FUT9: variants seen among roughly 807,000 people sequenced by gnomAD.
FUT9 encodes the protein 4-galactosyl-N-acetylglucosaminide 3-alpha-L-fucosyltransferase 9.
Under a neutral mutation model 29.7 loss-of-function variants are expected in FUT9, and 15 were observed. That is an observed-to-expected ratio of 0.51 (90% CI 0.34 to 0.78). The LOEUF is 0.78. Among genes scored for constraint, FUT9 ranks in the 30% least tolerant of loss-of-function variants. The pLI is 0.01. For missense variants in FUT9, 319 were observed against 425.4 expected (o/e 0.75, Z 2.20); for synonymous variants, 169 against 153.7 (o/e 1.10, Z -0.74).
chr6:96,053,657 C>T (rs1397981409), intron 1 of FUT9, among the ~76,000 whole-genome samples: 2 of 152,004 alleles, frequency 1.3e-5, no homozygotes, highest in South Asian at 2.1e-4. Context: ...TGCAGTGAGC[C>T]GAGATCGCAC....
chr6:96,080,830 T>A (rs1018125874), intron 1 of FUT9, among the ~76,000 whole-genome samples: 7 of 151,964 alleles, frequency 4.6e-5, no homozygotes, highest in Non-Finnish European at 8.8e-5. Context: ...TTCTTGGGTA[T>A]GTCTATTATA....
chr6:96,104,339 T>G (rs1320924113), intron 1 of FUT9, among the ~76,000 whole-genome samples: 1 of 152,226 alleles, frequency 6.6e-6, no homozygotes, highest in East Asian at 1.9e-4. Flanking sequence ...GAGTAAATAT[T>G]TTAATATTAT....
chr6:96,026,783 T>C (rs371819072), intron 1 of FUT9, among the ~76,000 whole-genome samples: 3 of 151,626 alleles, frequency 2.0e-5, no homozygotes, highest in Admixed American at 6.6e-5. Context: ...CAATGGCAGG[T>C]TTATTTGTAC....
chr6:96,195,765 CA>C (rs952021527), intron 2 of FUT9, among the ~76,000 whole-genome samples: 1 of 151,126 alleles, frequency 6.6e-6, no homozygotes, highest in Non-Finnish European at 1.5e-5. Flanking sequence ...AAACAATAAC[CA>C]AAAAAAACTA....
rs146189710 is a variant in FUT9 at position 96,165,948 on chromosome 6, T to C, written c.-8-37200T>C. ...TATATTATTCTGTATATTTTTCCTG[T>C]CAGACAAAGGTCTGAGAATTAGCTA... On this transcript the variant is annotated intron_variant, in intron 2 of 2. Coordinates refer to ENST00000302103, the MANE Select transcript of FUT9 (RefSeq NM_006581.4). Among the ~76,000 whole-genome samples the C allele has an allele frequency of 3.5e-4, 54 of 152,212 alleles. 1 individual carries two copies. Among genetic ancestry groups the C allele is most frequent in the African/African-American group, 1.3e-3 (52 of 41,544 alleles).
Position 96,212,897 on chromosome 6 carries a change from CA to C in FUT9, c.*8664del, listed in dbSNP as rs1773964913. ...GAGTAGTAAACTAAGGATCAAAGCC[CA>C]AGTTCCAGTTTTCACAATCTGCTGT... On this transcript the variant is annotated 3_prime_UTR_variant, in exon 3 of 3. Coordinates refer to ENST00000302103, the MANE Select transcript of FUT9 (RefSeq NM_006581.4). 6.0e-6 allele frequency: 1 copy of C among 166,672 alleles called. No homozygotes were observed. Among genetic ancestry groups the C allele is most frequent in the South Asian group, 2.1e-4 (1 of 4,828 alleles). 10.3% of individuals were successfully genotyped at this position (166,672 alleles called of 1,614,324 possible).
At chr6:96,163,009 T>A (rs1772941689) in intron 2 of FUT9, among the ~76,000 whole-genome samples, 1 of 152,160 alleles carries the variant, frequency 6.6e-6, no homozygotes, top group African/African-American at 2.4e-5. Context: ...TCACAAAGGT[T>A]ATTTTCCTCT....
At chr6:96,022,553 C>T (rs1770088624) in intron 1 of FUT9, among the ~76,000 whole-genome samples, 1 of 151,872 alleles carries the variant, frequency 6.6e-6, no homozygotes, top group African/African-American at 2.4e-5. Flanking sequence ...TCAGAGCTTT[C>T]TGGTGTGGGA....
Position 96,107,478 on chromosome 6 carries a change from C to T in FUT9, c.-97-6561C>T, listed in dbSNP as rs922496314. Among the ~76,000 whole-genome samples the T allele has an allele frequency of 7.2e-5, 11 of 152,116 alleles. 1 individual carries two copies. Among genetic ancestry groups the T allele is most frequent in the Admixed American group, 5.9e-4 (9 of 15,266 alleles). On this transcript the variant is annotated intron_variant, in intron 1 of 2. Transcript: ENST00000302103. Reference sequence around the variant, plus strand: ...AGAATGTACAAGGAGATTTCTAGTACTGCTTAAAGCTCAGGAGAAGAAGCT... The same window carrying T: ...AGAATGTACAAGGAGATTTCTAGTATTGCTTAAAGCTCAGGAGAAGAAGCT...
chr6:96,183,251 C>T, intron 2 of FUT9, among the ~76,000 whole-genome samples: 1 of 151,794 alleles, frequency 6.6e-6, no homozygotes, highest in Non-Finnish European at 1.5e-5. Context: ...TTAGATTGGT[C>T]ATTGTTGGTG....
At chr6:96,025,347 A>G (rs1325064) in intron 1 of FUT9, among the ~76,000 whole-genome samples, 10,475 of 151,762 alleles carry the variant, frequency 0.069, 1,192 homozygotes, top group African/African-American at 0.24. Context: ...TTTAGCTTGC[A>G]ATGACCTCCT....
intron 2 of FUT9, among the ~76,000 whole-genome samples, chr6:96,182,271 T>C (rs965284268): frequency 6.6e-6 from 1 of 152,064 alleles, no homozygotes; most frequent in Non-Finnish European, 1.5e-5. Context: ...TTGATGGAAT[T>C]GTTTTTTTCT....
At chr6:96,193,216 A>C (rs1401864392) in intron 2 of FUT9, among the ~76,000 whole-genome samples, 1 of 96,490 alleles carries the variant, frequency 1.0e-5, no homozygotes, top group African/African-American at 4.1e-5. Flanking sequence ...ATCTAATTAA[A>C]CTAAAGAGCT....
chr6:96,031,556 T>C (rs1770263082), intron 1 of FUT9, among the ~76,000 whole-genome samples: 1 of 151,404 alleles, frequency 6.6e-6, no homozygotes, highest in Non-Finnish European at 1.5e-5. Context: ...TAGTAAAAGA[T>C]TATCTGCCCA....
chr6:96,118,608 T>C (rs1436619465), intron 2 of FUT9, among the ~76,000 whole-genome samples: 1 of 152,228 alleles, frequency 6.6e-6, no homozygotes, highest in African/African-American at 2.4e-5. Flanking sequence ...TTTATGTATT[T>C]ACTATATTTT....
At chr6:96,093,465 G>A (rs1350892091) in intron 1 of FUT9, among the ~76,000 whole-genome samples, 2 of 152,076 alleles carry the variant, frequency 1.3e-5, no homozygotes, top group Non-Finnish European at 2.9e-5. Flanking sequence ...TCCTCTAGAA[G>A]TATGGGCATT....
intron 1 of FUT9, among the ~76,000 whole-genome samples, chr6:96,089,936 A>G (rs1455064354): frequency 6.6e-6 from 1 of 152,210 alleles, no homozygotes; most frequent in Non-Finnish European, 1.5e-5. Context: ...AGGACAATAA[A>G]TCAAACATAA....
intron 1 of FUT9, among the ~76,000 whole-genome samples, chr6:96,039,295 T>C (rs895588610): frequency 6.6e-6 from 1 of 152,062 alleles, no homozygotes; most frequent in African/African-American, 2.4e-5. Context: ...CTATGTGGAA[T>C]GCAGGCATGA....
intron 2 of FUT9, among the ~76,000 whole-genome samples, chr6:96,194,829 A>C (rs1226910645): frequency 6.6e-6 from 1 of 152,116 alleles, no homozygotes; most frequent in Non-Finnish European, 1.5e-5. Context: ...GCTTGTTCTG[A>C]AAAAATGCCA....
Sources: gnomAD v4.1 joint callset for allele counts (sites outside exome capture counted in the v4.1 genomes callset) on GRCh38, gnomAD v4.1.1 for gene constraint, MANE v1.5 for transcripts, NCBI Gene and HGNC (gene_info 2026-07-23, HGNC 2026-07-21) for gene names.